Variants in UBE2E2 observed in about 807,000 individuals in gnomAD.
UBE2E2 encodes the protein ubiquitin-conjugating enzyme E2 E2.
Under a neutral mutation model 24.7 loss-of-function variants are expected in UBE2E2, and 6 were observed. The observed-to-expected ratio is 0.24, with a 90% confidence interval of 0.13 to 0.48. The LOEUF (loss-of-function observed/expected upper bound fraction) is 0.48. Among genes scored for constraint, UBE2E2 ranks in the 20% least tolerant of loss-of-function variants. The pLI, the probability that UBE2E2 is intolerant of heterozygous loss-of-function variation, is 0.99. For synonymous variants in UBE2E2, 104 were observed against 83.6 expected (o/e 1.24, Z -1.33); for missense variants, 169 against 245.0 (o/e 0.69, Z 2.07).
chr3:23,420,115 A>G (rs1345422041), intron 3 of UBE2E2, among the ~76,000 whole-genome samples: 1 of 152,248 alleles, frequency 6.6e-6, no homozygotes, highest in African/African-American at 2.4e-5. Flanking sequence ...CATCTACTAT[A>G]AAACCTACAG....
intron 3 of UBE2E2, among the ~76,000 whole-genome samples, chr3:23,496,896 C>T (rs1190186849): frequency 1.3e-5 from 2 of 152,110 alleles, no homozygotes; most frequent in Non-Finnish European, 2.9e-5. Flanking sequence ...TGACTTTCTC[C>T]AAATTTAACT....
In UBE2E2 at chr3:23,447,180, A is replaced by G. The variant is rs369417389; in HGVS notation, c.228-52428A>G. Among the ~76,000 whole-genome samples, 18 of 152,218 alleles carry G rather than the reference A, an allele frequency of 1.2e-4. 1 individual carries two copies. The South Asian group carries it at 3.7e-3, about 32-fold the overall frequency. ...GTTTATTTAATTAATGCCAGTCTCT[A>G]TGTAAGTTCCCTGAGAGTAGTGTCA... On this transcript the variant is annotated intron_variant, in intron 3 of 5. Transcript: ENST00000396703.
At chr3:23,414,941 C>T (rs537814913) in intron 3 of UBE2E2, among the ~76,000 whole-genome samples, 3 of 152,240 alleles carry the variant, frequency 2.0e-5, no homozygotes, top group Admixed American at 6.5e-5. Context: ...ATAAAGTACC[C>T]AGTCTAAGGT....
chr3:23,389,671 C>A, intron 3 of UBE2E2: 1 of 262,360 alleles, frequency 3.8e-6, no homozygotes, highest in Non-Finnish European at 7.9e-6. Flanking sequence ...CTAGTCGTGG[C>A]TGGCTTTGAG....
intron 3 of UBE2E2, chr3:23,270,818 C>T: frequency 2.4e-6 from 1 of 418,858 alleles, no homozygotes. Context: ...ATTTAACACA[C>T]TCTCTTAGGT....
intron 3 of UBE2E2, among the ~76,000 whole-genome samples, chr3:23,350,361 C>T (rs1695705383): frequency 6.6e-6 from 1 of 152,174 alleles, no homozygotes; most frequent in Admixed American, 6.5e-5. Context: ...AGTTCCTCAC[C>T]AGCAATGGAA....
chr3:23,354,693 C>T (rs891486812), intron 3 of UBE2E2, among the ~76,000 whole-genome samples: 6 of 152,182 alleles, frequency 3.9e-5, no homozygotes, highest in Non-Finnish European at 5.9e-5. Context: ...CATCTCACAC[C>T]AGTTAGAATG....
intron 2 of UBE2E2, among the ~76,000 whole-genome samples, chr3:23,215,098 A>G (rs1307594134): frequency 6.6e-6 from 1 of 152,062 alleles, no homozygotes; most frequent in African/African-American, 2.4e-5. Flanking sequence ...AAAAATATAT[A>G]TTTAAACTTC....
At chr3:23,380,035 T>C (rs1696626507) in intron 3 of UBE2E2, among the ~76,000 whole-genome samples, 2 of 150,380 alleles carry the variant, frequency 1.3e-5, no homozygotes, top group South Asian at 4.2e-4. Context: ...CTAAAACTGT[T>C]ACTTTACCTT....
At chr3:23,302,364 A>T (rs1306515872) in intron 3 of UBE2E2, among the ~76,000 whole-genome samples, 1 of 152,186 alleles carries the variant, frequency 6.6e-6, no homozygotes, top group Non-Finnish European at 1.5e-5. Flanking sequence ...AAAGTATCTT[A>T]TTACCAGTTA....
intron 3 of UBE2E2, chr3:23,323,441 C>T (rs749124935): frequency 4.5e-5 from 16 of 359,294 alleles, no homozygotes; most frequent in Non-Finnish European, 7.7e-5. Flanking sequence ...AGGGCTAGCT[C>T]AGGTGTAAGT....
intron 2 of UBE2E2, among the ~76,000 whole-genome samples, chr3:23,216,118 G>T (rs899881197): frequency 1.3e-5 from 2 of 152,090 alleles, no homozygotes; most frequent in African/African-American, 4.8e-5. Flanking sequence ...CAATTTAATG[G>T]CCTAGCAGAA....
At chr3:23,272,187 C>A (rs1698261944) in intron 3 of UBE2E2, among the ~76,000 whole-genome samples, 1 of 152,182 alleles carries the variant, frequency 6.6e-6, no homozygotes, top group African/African-American at 2.4e-5. Context: ...GTGGCTGAGG[C>A]CTGGCGAGAG....
intron 3 of UBE2E2, among the ~76,000 whole-genome samples, chr3:23,364,976 T>G (rs1380920345): frequency 6.6e-6 from 1 of 152,094 alleles, no homozygotes; most frequent in Non-Finnish European, 1.5e-5. Context: ...CATACACAGA[T>G]CAATAAATGT....
At chr3:23,285,958 A>G (rs143795231) in intron 3 of UBE2E2, among the ~76,000 whole-genome samples, 95 of 152,300 alleles carry the variant, frequency 6.2e-4, no homozygotes, top group African/African-American at 2.2e-3. Flanking sequence ...CGGCCTCCCA[A>G]AGTGCTGGGA....
At chr3:23,562,917 C>T (rs1462930933) in intron 5 of UBE2E2, among the ~76,000 whole-genome samples, 3 of 152,084 alleles carry the variant, frequency 2.0e-5, no homozygotes, top group Admixed American at 6.6e-5. Context: ...GTAGTGATAT[C>T]CCCTTTATCG....
Position 23,236,140 on chromosome 3 carries a change from G to C in UBE2E2, c.227+18828G>C, listed in dbSNP as rs545294069. ...GGGTAGGAGGAAAACCAGGAGAGAG[G>C]TTTCCATGAAGTTGAGAGAAAAAGA... On this transcript the variant is annotated intron_variant, in intron 3 of 5. Coordinates refer to ENST00000396703, the MANE Select transcript of UBE2E2 (RefSeq NM_152653.4). Among the ~76,000 whole-genome samples, 30 of 152,088 alleles carry C rather than the reference G, an allele frequency of 2.0e-4. No homozygotes were observed. The South Asian group carries it at 5.2e-3, about 26-fold the overall frequency.
At chr3:23,265,927 T>C (rs975747390) in intron 3 of UBE2E2, among the ~76,000 whole-genome samples, 12 of 152,196 alleles carry the variant, frequency 7.9e-5, no homozygotes, top group Non-Finnish European at 1.0e-4. Context: ...TTTTGATCTT[T>C]GTTGGTTTAA....
chr3:23,530,532 T>C (rs1019860662), intron 4 of UBE2E2, among the ~76,000 whole-genome samples: 58 of 152,256 alleles, frequency 3.8e-4, no homozygotes, highest in African/African-American at 1.4e-3. Flanking sequence ...TTTGATCTGA[T>C]AATATAGTCA....
Sources: gnomAD v4.1 joint callset for allele counts (sites outside exome capture counted in the v4.1 genomes callset) on GRCh38, gnomAD v4.1.1 for gene constraint, MANE v1.5 for transcripts, NCBI Gene and HGNC (gene_info 2026-07-23, HGNC 2026-07-21) for gene names.